The following NPAS3 variants were observed in gnomAD, a reference collection of about 807,000 sequenced individuals.
The protein encoded by NPAS3 is neuronal PAS domain-containing protein 3.
A neutral mutation model predicts 73.1 loss-of-function variants in NPAS3; 14 were observed. That is an observed-to-expected ratio of 0.19 (90% CI 0.13 to 0.30). The LOEUF is 0.30. NPAS3 is among the 10% of genes least tolerant of loss of function. The pLI, the probability that NPAS3 is intolerant of heterozygous loss-of-function variation, is 1.00. For synonymous variants in NPAS3, 620 were observed against 541.5 expected (o/e 1.14, Z -2.01); for missense variants, 1,096 against 1,250.0 (o/e 0.88, Z 1.86).
chr14:33,091,673 G>T (rs2042228833), intron 2 of NPAS3, among the ~76,000 whole-genome samples: 2 of 152,062 alleles, frequency 1.3e-5, no homozygotes, highest in Non-Finnish European at 2.9e-5. Context: ...AACAAAAAAA[G>T]AGAATTTTAG....
chr14:33,676,475 T>C lies in NPAS3; in HGVS notation c.733+90T>C, dbSNP rs926138008. ...GTTACCCATGTGAAGAGACTATAAATAGGTCTAAGGGTATTTAACAATTCC... is the reference window on the plus strand; with the variant it reads ...GTTACCCATGTGAAGAGACTATAAACAGGTCTAAGGGTATTTAACAATTCC... On this transcript the variant is annotated intron_variant, in intron 6 of 11. Transcript: ENST00000356141. 40 of 1,105,828 alleles carry C rather than the reference T, an allele frequency of 3.6e-5. 1 individual carries two copies. In the South Asian group the frequency reaches 6.7e-4, roughly 19 times the overall value. The allele number at this position is 1,105,828 out of a possible 1,614,324, so 68.5% of individuals were successfully genotyped here. A position where few individuals can be genotyped will look rare whatever the true frequency, so the allele number is the denominator to read the frequency against.
chr14:33,416,035 C>T (rs901635969), intron 4 of NPAS3, among the ~76,000 whole-genome samples: 2 of 151,934 alleles, frequency 1.3e-5, no homozygotes, highest in Non-Finnish European at 2.9e-5. Flanking sequence ...GTCTTTGTTC[C>T]CTGCTACATG....
chr14:33,797,640 G>T, intron 11 of NPAS3, 59 bp downstream of exon 11: 2 of 1,579,300 alleles, frequency 1.3e-6, no homozygotes, highest in Non-Finnish European at 1.7e-6. Flanking sequence ...CGCAGGGGGT[G>T]GGCAACAGCC....
At chr14:33,530,738 G>A (rs2054002597) in intron 4 of NPAS3, among the ~76,000 whole-genome samples, 1 of 142,696 alleles carries the variant, frequency 7.0e-6, no homozygotes, top group Non-Finnish European at 1.5e-5. Flanking sequence ...AAGGGTTAAA[G>A]ACAACTTGTT....
chr14:33,747,766 T>G (rs17101825), intron 7 of NPAS3, among the ~76,000 whole-genome samples: 3,643 of 152,258 alleles, frequency 0.024, 150 homozygotes, highest in African/African-American at 0.084. Context: ...ACAGCAGCAT[T>G]TACATATCCC....
At position 32,953,952 on chromosome 14, in the gene NPAS3, C is replaced by A. The variant is rs187522752; in HGVS notation, c.50+14586C>A. Among the ~76,000 whole-genome samples, 56 of 152,278 alleles carry A rather than the reference C, an allele frequency of 3.7e-4. 1 individual carries two copies. The highest frequency in any genetic ancestry group is 3.6e-3 in the Admixed American group (55 of 15,292). Reference sequence around the variant, plus strand: ...CCTTAACAAAGGACAGTTAATAGTACTTTGTCTGCAAGATGTGCAGAAATG... The same window carrying A: ...CCTTAACAAAGGACAGTTAATAGTAATTTGTCTGCAAGATGTGCAGAAATG... On this transcript the variant is annotated intron_variant, in intron 1 of 11. Transcript: ENST00000356141.
chr14:33,723,046 G>A (rs967723550), intron 6 of NPAS3, among the ~76,000 whole-genome samples: 36 of 152,208 alleles, frequency 2.4e-4, no homozygotes, highest in African/African-American at 7.9e-4. Context: ...ACATTCACAC[G>A]GGAAAATTAA....
chr14:33,262,545 A>G (rs1179955102), intron 3 of NPAS3, among the ~76,000 whole-genome samples: 1 of 152,192 alleles, frequency 6.6e-6, no homozygotes, highest in Non-Finnish European at 1.5e-5. Context: ...GTTACCTTGG[A>G]TATATTTAAT....
chr14:33,366,270 TA>T (rs1197547732), intron 3 of NPAS3, among the ~76,000 whole-genome samples: 5 of 151,200 alleles, frequency 3.3e-5, no homozygotes, highest in Non-Finnish European at 5.9e-5. Context: ...TAAATTTTTT[TA>T]AAAAAAGAAA....
chr14:33,657,897 G>A (rs1237660667), intron 5 of NPAS3, among the ~76,000 whole-genome samples: 3 of 152,202 alleles, frequency 2.0e-5, no homozygotes, highest in Non-Finnish European at 4.4e-5. Flanking sequence ...ACTGCAGGAA[G>A]CGATAGAAAT....
At chr14:33,338,468 C>A (rs781703776) in intron 3 of NPAS3, among the ~76,000 whole-genome samples, 1 of 152,224 alleles carries the variant, frequency 6.6e-6, no homozygotes, top group South Asian at 2.1e-4. Flanking sequence ...CAGTTGATTA[C>A]GGCACATTTG....
intron 1 of NPAS3, among the ~76,000 whole-genome samples, chr14:32,942,433 T>A (rs8003703): frequency 0.014 from 2,208 of 152,314 alleles, 19 homozygotes; most frequent in Middle Eastern, 0.041. Context: ...CTCCTTACAT[T>A]TCTCTGAATT....
chr14:33,124,518 T>A (rs1233524476), intron 2 of NPAS3, among the ~76,000 whole-genome samples: 1 of 152,132 alleles, frequency 6.6e-6, no homozygotes, highest in Non-Finnish European at 1.5e-5. Context: ...AGAGCAGATA[T>A]CACATTAGAA....
chr14:33,243,328 C>T (rs749754548), intron 3 of NPAS3, among the ~76,000 whole-genome samples: 4 of 152,088 alleles, frequency 2.6e-5, no homozygotes, highest in Non-Finnish European at 5.9e-5. Flanking sequence ...GAATGCCATT[C>T]TGTCTTGTTA....
At chr14:32,983,639 C>T (rs2037985621) in intron 1 of NPAS3, among the ~76,000 whole-genome samples, 2 of 151,952 alleles carry the variant, frequency 1.3e-5, no homozygotes, top group African/African-American at 2.4e-5. Context: ...GTTTCCCTTC[C>T]GTGTCAATAA....
At chr14:33,288,701 C>T (rs1433927296) in intron 3 of NPAS3, among the ~76,000 whole-genome samples, 1 of 152,018 alleles carries the variant, frequency 6.6e-6, no homozygotes, top group African/African-American at 2.4e-5. Context: ...TTTGGGGCTA[C>T]TTGTTGGTTA....
intron 2 of NPAS3, among the ~76,000 whole-genome samples, chr14:33,094,614 T>G (rs1028936037): frequency 2.0e-4 from 31 of 152,118 alleles, no homozygotes; most frequent in African/African-American, 7.5e-4. Context: ...TATAGGTGCC[T>G]GCCATCATGC....
At chr14:33,712,241 C>T (rs1056705710) in intron 6 of NPAS3, among the ~76,000 whole-genome samples, 21 of 152,166 alleles carry the variant, frequency 1.4e-4, no homozygotes, top group African/African-American at 4.3e-4. Context: ...TTCTGTACCA[C>T]GTTCTAGCCT....
intron 4 of NPAS3, among the ~76,000 whole-genome samples, chr14:33,457,707 T>C (rs1186342349): frequency 6.6e-6 from 1 of 152,196 alleles, no homozygotes; most frequent in East Asian, 1.9e-4. Flanking sequence ...TCCAAATGAC[T>C]GGGTCCTTCC....
Sources: allele counts gnomAD v4.1 joint callset (sites outside exome capture counted in the v4.1 genomes callset), GRCh38; gene constraint gnomAD v4.1.1; transcripts MANE v1.5; gene names NCBI Gene and HGNC (gene_info 2026-07-23, HGNC 2026-07-21).